The following COL21A1 variants were observed in gnomAD, a reference collection of about 807,000 sequenced individuals.
COL21A1 encodes collagen type XXI alpha 1 chain.
COL21A1 carries 149 observed loss-of-function variants against 137.9 expected under a neutral mutation model. The observed-to-expected ratio is 1.08, with a 90% CI of 0.95 to 1.24. The LOEUF is 1.24. Among genes scored for constraint, COL21A1 ranks in the 50% most tolerant of loss-of-function variants. The pLI is 0.00. For missense variants in COL21A1, 1,167 were observed against 1,158.4 expected, an observed-to-expected ratio of 1.01 and a Z score of -0.11; for synonymous variants, 456 against 391.5, an observed-to-expected ratio of 1.16 and a Z score of -1.95.
chr6:56,192,492 G>A (rs1464244057), intron 1 of COL21A1, among the ~76,000 whole-genome samples: 1 of 150,138 alleles, frequency 6.7e-6, no homozygotes, highest in African/African-American at 2.4e-5. Context: ...AAATTTACAA[G>A]AAAAAAAAAC....
intron 1 of COL21A1, among the ~76,000 whole-genome samples, chr6:56,199,793 C>T (rs73455349): frequency 4.4e-4 from 67 of 152,246 alleles, no homozygotes; most frequent in African/African-American, 1.4e-3. Context: ...ATTCATTCAA[C>T]GACAAACATT....
intron 1 of COL21A1, among the ~76,000 whole-genome samples, chr6:56,294,484 C>G (rs9370508): frequency 0.84 from 128,175 of 151,996 alleles, 56,030 homozygotes; most frequent in South Asian, 0.97. Context: ...CCTGTCTATT[C>G]CCTTTGCCCA....
At chr6:56,282,101 T>C (rs987594749) in intron 1 of COL21A1, among the ~76,000 whole-genome samples, 1 of 152,184 alleles carries the variant, frequency 6.6e-6, no homozygotes, top group African/African-American at 2.4e-5. Context: ...AAATTTCAGG[T>C]ATGTCAAATA....
chr6:56,242,877 C>T (rs778084983), intron 1 of COL21A1, among the ~76,000 whole-genome samples: 8 of 152,106 alleles, frequency 5.3e-5, no homozygotes, highest in Non-Finnish European at 1.0e-4. Context: ...ACAGGTATAA[C>T]TGTAGTATTC....
At chr6:56,284,806 C>A (rs1005811602) in intron 1 of COL21A1, among the ~76,000 whole-genome samples, 1 of 152,190 alleles carries the variant, frequency 6.6e-6, no homozygotes, top group Admixed American at 6.5e-5. Context: ...CCCTACACTT[C>A]ACCCACTCCA....
chr6:56,347,105 G>A (rs1353885510), intron 1 of COL21A1, among the ~76,000 whole-genome samples: 2 of 152,176 alleles, frequency 1.3e-5, no homozygotes, highest in Non-Finnish European at 2.9e-5. Context: ...CCAAACTGAA[G>A]AATGATGCGC....
intron 1 of COL21A1, among the ~76,000 whole-genome samples, chr6:56,333,122 G>C (rs2397215): frequency 0.25 from 37,842 of 151,892 alleles, 5,952 homozygotes; most frequent in Middle Eastern, 0.43. Context: ...TTCTATTGAG[G>C]TATAACTGAC....
intron 1 of COL21A1, among the ~76,000 whole-genome samples, chr6:56,302,555 T>C (rs1236026311): frequency 1.3e-5 from 2 of 152,072 alleles, no homozygotes; most frequent in Non-Finnish European, 1.5e-5. Context: ...TCATATCCTT[T>C]GCCCACTTTT....
At chr6:56,103,649 A>G (rs1770637588) in intron 16 of COL21A1, among the ~76,000 whole-genome samples, 1 of 152,204 alleles carries the variant, frequency 6.6e-6, no homozygotes, top group African/African-American at 2.4e-5. Context: ...AGGTTCATCA[A>G]TAATGAAGTT....
intron 1 of COL21A1, among the ~76,000 whole-genome samples, chr6:56,265,869 T>C (rs4715602): frequency 0.29 from 43,943 of 152,164 alleles, 7,473 homozygotes; most frequent in East Asian, 0.67. Flanking sequence ...TGGAGTCTTA[T>C]AGAGCAAAAG....
intron 29 of COL21A1, among the ~76,000 whole-genome samples, chr6:56,058,383 G>A (rs1281243194): frequency 6.6e-6 from 1 of 152,124 alleles, no homozygotes; most frequent in Non-Finnish European, 1.5e-5. Flanking sequence ...AACATAGCCT[G>A]ATTAGTTCAA....
intron 1 of COL21A1, among the ~76,000 whole-genome samples, chr6:56,223,646 T>A (rs556168162): frequency 9.8e-4 from 149 of 151,886 alleles, no homozygotes; most frequent in Non-Finnish European, 1.1e-3. Context: ...ATATTAATTT[T>A]AAAAAAAACA....
At chr6:56,118,802 T>C (rs975315852) in intron 16 of COL21A1, among the ~76,000 whole-genome samples, 6 of 151,982 alleles carry the variant, frequency 3.9e-5, no homozygotes, top group Non-Finnish European at 7.4e-5. Flanking sequence ...AAATGATACA[T>C]CATATAAACA....
At chr6:56,199,452 T>C (rs1779236548) in intron 1 of COL21A1, among the ~76,000 whole-genome samples, 2 of 152,218 alleles carry the variant, frequency 1.3e-5, no homozygotes, top group African/African-American at 2.4e-5. Flanking sequence ...ATCCAGATTA[T>C]AGAGTTAACA....
intron 21 of COL21A1, 76 bp from the exon 22 acceptor site, chr6:56,069,193 AT>A: frequency 1.2e-6 from 1 of 823,328 alleles, no homozygotes; most frequent in East Asian, 3.1e-5. Context: ...ATCTCTACAT[AT>A]CTCAATTTTA....
intron 1 of COL21A1, among the ~76,000 whole-genome samples, chr6:56,257,057 G>A (rs1404031304): frequency 6.6e-6 from 1 of 152,150 alleles, no homozygotes. Flanking sequence ...TGTCTGGGGA[G>A]TAAGCAAGTT....
chr6:56,120,943 T>C (rs1772449556), intron 16 of COL21A1, among the ~76,000 whole-genome samples: 1 of 152,122 alleles, frequency 6.6e-6, no homozygotes, highest in Non-Finnish European at 1.5e-5. Context: ...TTACAATGGC[T>C]AAGATTTGGA....
chr6:56,184,348 G>A (rs1357642464), intron 1 of COL21A1, among the ~76,000 whole-genome samples: 1 of 151,962 alleles, frequency 6.6e-6, no homozygotes, highest in African/African-American at 2.4e-5. Flanking sequence ...AAATTTTCTG[G>A]TAATAAACTG....
intron 3 of COL21A1, among the ~76,000 whole-genome samples, chr6:56,178,527 A>G (rs1777659343): frequency 6.6e-6 from 1 of 152,128 alleles, no homozygotes; most frequent in African/African-American, 2.4e-5. Flanking sequence ...ATAAACACAC[A>G]GGATTTTTTT....
Sources: gnomAD v4.1 joint callset for allele counts (sites outside exome capture counted in the v4.1 genomes callset) on GRCh38, gnomAD v4.1.1 for gene constraint, MANE v1.5 for transcripts, NCBI Gene and HGNC (gene_info 2026-07-23, HGNC 2026-07-21) for gene names.